Variants in KHDRBS2 observed in about 807,000 individuals in gnomAD.
KHDRBS2 encodes the protein KH RNA binding domain containing, signal transduction associated 2, also known as KH domain-containing, RNA-binding, signal transduction-associated protein 2.
A neutral mutation model predicts 44.3 loss-of-function variants in KHDRBS2; 26 were observed. That is an observed-to-expected ratio of 0.59 (90% confidence interval 0.43 to 0.81). The LOEUF (loss-of-function observed/expected upper bound fraction) is 0.81, where lower values mean the gene tolerates loss of function less well. Among genes scored for constraint, KHDRBS2 ranks in the 40% least tolerant of loss-of-function variants. The probability of loss-of-function intolerance (pLI) is 0.00; values close to 1 mark genes in which losing one functional copy is unlikely to be tolerated. For synonymous variants in KHDRBS2, 194 were observed against 151.1 expected (o/e 1.28, Z -2.08); for missense variants, 476 against 433.1 (o/e 1.10, Z -0.88).
At chr6:61,932,034 G>A (rs1239559170) in intron 4 of KHDRBS2, among the ~76,000 whole-genome samples, 1 of 151,996 alleles carries the variant, frequency 6.6e-6, no homozygotes, top group Admixed American at 6.6e-5. Context: ...TATATAATAT[G>A]TATAAAATTT....
intron 2 of KHDRBS2, among the ~76,000 whole-genome samples, chr6:62,061,262 C>T (rs1791782769): frequency 6.6e-6 from 1 of 151,444 alleles, no homozygotes; most frequent in Non-Finnish European, 1.5e-5. Context: ...CAGTTTCTTC[C>T]TAGTCTCGAT....
At chr6:62,242,350 C>T (rs1211950288) in intron 1 of KHDRBS2, among the ~76,000 whole-genome samples, 1 of 152,104 alleles carries the variant, frequency 6.6e-6, no homozygotes, top group Non-Finnish European at 1.5e-5. Context: ...ATAAAAGATA[C>T]ATTTTTGAGC....
At chr6:61,617,447 A>T in the KHDRBS2 span, among the ~76,000 whole-genome samples, 1 of 152,032 alleles carries the variant, frequency 6.6e-6, no homozygotes, top group Admixed American at 6.5e-5. Context: ...ATCTATTATT[A>T]AAATAATGAC....
intron 4 of KHDRBS2, among the ~76,000 whole-genome samples, chr6:61,939,651 T>A (rs1161385222): frequency 1.3e-5 from 2 of 152,186 alleles, no homozygotes; most frequent in Non-Finnish European, 2.9e-5. Flanking sequence ...TCCTTACACA[T>A]TATTTCCTGC....
intron 3 of KHDRBS2, among the ~76,000 whole-genome samples, chr6:62,007,745 G>A (rs1779528623): frequency 6.6e-6 from 1 of 151,884 alleles, no homozygotes; most frequent in Non-Finnish European, 1.5e-5. Context: ...TCAACGAGGA[G>A]GCTTTTCACA....
chr6:61,725,881 G>T (rs1277811051), intron 7 of KHDRBS2, among the ~76,000 whole-genome samples: 1 of 152,054 alleles, frequency 6.6e-6, no homozygotes, highest in African/African-American at 2.4e-5. Flanking sequence ...GTACAAAGAT[G>T]AGCTAGTAGT....
chr6:61,895,133 A>G (rs564837708), intron 5 of KHDRBS2, among the ~76,000 whole-genome samples: 1 of 151,698 alleles, frequency 6.6e-6, no homozygotes, highest in Non-Finnish European at 1.5e-5. Context: ...AAAAAAAAAA[A>G]AAACCCAAAC....
chr6:62,259,459 C>A (rs927201739), intron 1 of KHDRBS2, among the ~76,000 whole-genome samples: 2 of 151,738 alleles, frequency 1.3e-5, no homozygotes, highest in African/African-American at 4.8e-5. Flanking sequence ...CTCATTCCAT[C>A]ATTCAATTTA....
rs553186520 is a variant in KHDRBS2, at chr6:61,906,169, A to T, written c.484-4798T>A. On this transcript the variant is annotated intron_variant, in intron 4 of 8. Transcript: ENST00000281156. ...CGGAAAACATTTTTTAAAACGTCCA[A>T]ATCTAGGGATAGCTGAACTCTTAAA... Among the ~76,000 whole-genome samples, 6 of 152,202 alleles carry T rather than the reference A, an allele frequency of 3.9e-5. No individual in the cohort carries two copies. In the East Asian group the frequency reaches 1.2e-3, roughly 29 times the overall value.
At chr6:61,592,954 A>G in the KHDRBS2 span, among the ~76,000 whole-genome samples, 4 of 152,218 alleles carry the variant, frequency 2.6e-5, 1 homozygote, top group South Asian at 8.3e-4. Context: ...TGCAGATGAA[A>G]ACACAAAGCT....
At chr6:61,603,071 C>T in the KHDRBS2 span, among the ~76,000 whole-genome samples, 3 of 152,210 alleles carry the variant, frequency 2.0e-5, no homozygotes, top group Non-Finnish European at 1.5e-5. Flanking sequence ...ACCTAATCAC[C>T]CTTACCCCGC....
chr6:62,179,242 C>T (rs1427654512), intron 1 of KHDRBS2, among the ~76,000 whole-genome samples: 1 of 151,632 alleles, frequency 6.6e-6, no homozygotes, highest in African/African-American at 2.4e-5. Flanking sequence ...CATTTATAAT[C>T]ATCTTATCAG....
At chr6:61,888,382 T>C (rs1801285503) in intron 6 of KHDRBS2, among the ~76,000 whole-genome samples, 1 of 152,134 alleles carries the variant, frequency 6.6e-6, no homozygotes, top group South Asian at 2.1e-4. Context: ...TATCTGTTGG[T>C]GACTAGAGCT....
At chr6:61,749,009 CTTTTTTTT>C (rs34423906) in intron 6 of KHDRBS2, among the ~76,000 whole-genome samples, 1 of 97,220 alleles carries the variant, frequency 1.0e-5, no homozygotes, top group Non-Finnish European at 1.9e-5. Context: ...TTCTTTCTTT[CTTTTTTTT>C]TTTTTTTTTT....
At chr6:61,603,468 G>C in the KHDRBS2 span, among the ~76,000 whole-genome samples, 2 of 152,132 alleles carry the variant, frequency 1.3e-5, no homozygotes, top group East Asian at 1.9e-4. Flanking sequence ...TTGCTGCAAG[G>C]CTTCACAGAC....
chr6:61,942,426 A>G (rs1812312747), intron 4 of KHDRBS2, among the ~76,000 whole-genome samples: 1 of 152,164 alleles, frequency 6.6e-6, no homozygotes, highest in Non-Finnish European at 1.5e-5. Flanking sequence ...GAAGAATGAA[A>G]TGAAGGAAAA....
At position 61,978,055 on chromosome 6, in the gene KHDRBS2, A is replaced by T. The variant is rs768977022; in HGVS notation, c.483+11T>A. On this transcript the variant is annotated intron_variant, in intron 4 of 8. Coordinates refer to ENST00000281156, the MANE Select transcript of KHDRBS2 (RefSeq NM_152688.4). Reference sequence around the variant, plus strand: ...TAAGAAACATCTTTGTAAAAAATGAAAGACACTTACAGGAACCAGGAATTT... The same window carrying T: ...TAAGAAACATCTTTGTAAAAAATGATAGACACTTACAGGAACCAGGAATTT... 6.4e-7 allele frequency: 1 copy of T among 1,570,978 alleles called. No homozygotes were observed. The highest frequency in any genetic ancestry group is 1.4e-5 in the African/African-American group (1 of 72,046).
chr6:62,242,764 C>T (rs1450643045), intron 1 of KHDRBS2, among the ~76,000 whole-genome samples: 1 of 152,046 alleles, frequency 6.6e-6, no homozygotes, highest in African/African-American at 2.4e-5. Context: ...GAGAACTGAA[C>T]AAGGTAATCT....
At chr6:62,229,209 T>G (rs948094227) in intron 1 of KHDRBS2, among the ~76,000 whole-genome samples, 3 of 152,076 alleles carry the variant, frequency 2.0e-5, no homozygotes, top group African/African-American at 7.2e-5. Context: ...TGGATGGAGT[T>G]GTCAGAGTTC....
Sources: gnomAD v4.1 joint callset for allele counts (sites outside exome capture counted in the v4.1 genomes callset) on GRCh38, gnomAD v4.1.1 for gene constraint, MANE v1.5 for transcripts, NCBI Gene and HGNC (gene_info 2026-07-23, HGNC 2026-07-21) for gene names.